BTNL8: variants seen among roughly 807,000 people sequenced by gnomAD.
BTNL8 encodes butyrophilin-like protein 8.
A neutral mutation model predicts 36.1 loss-of-function variants in BTNL8; 22 were observed. The ratio of observed to expected loss-of-function variants is 0.61; its 90% CI spans 0.44 to 0.87. The LOEUF is 0.87. BTNL8 is among the 40% of genes least tolerant of loss of function. BTNL8 has a pLI of 0.00. For missense variants in BTNL8, 526 were observed against 616.9 expected (o/e 0.85, Z 1.56); for synonymous variants, 203 against 235.6 (o/e 0.86, Z 1.27).
chr5:180,940,418 A>G (rs1314568794), intron 3 of BTNL8, among the ~76,000 whole-genome samples: 3 of 152,086 alleles, frequency 2.0e-5, no homozygotes, highest in Non-Finnish European at 4.4e-5. Context: ...AGGTAAGTTT[A>G]TAGCAATAAA....
In BTNL8 at chr5:180,902,398, T is replaced by C. The variant is rs538241474; in HGVS notation, c.49+3039T>C. On this transcript the variant is annotated intron_variant, in intron 1 of 7. Transcript: ENST00000340184. ...TGATGTGGACATGGTTTGTCAAATGTAAGGAGATACACAAATGCAAGTCAC... is the reference window on the plus strand; with the variant it reads ...TGATGTGGACATGGTTTGTCAAATGCAAGGAGATACACAAATGCAAGTCAC... The C allele has an allele frequency of 9.7e-5, 151 of 1,550,650 alleles. No homozygotes were observed. In the Middle Eastern group the frequency reaches 2.2e-3, roughly 22 times the overall value.
chr5:180,917,020 A>G (rs1040063604), intron 3 of BTNL8, among the ~76,000 whole-genome samples: 1 of 151,126 alleles, frequency 6.6e-6, no homozygotes, highest in Non-Finnish European at 1.5e-5. Flanking sequence ...AGACAAGGTT[A>G]GACTACGGCA....
In BTNL8 at chr5:180,899,415, C is replaced by G. The variant is rs908690669; in HGVS notation, c.49+56C>G. ...ACTAACAGTTTGAGTTCTTTAGCTACAATGGTTGCAGCATAATGGAATGAA... is the reference window on the plus strand; with the variant it reads ...ACTAACAGTTTGAGTTCTTTAGCTAGAATGGTTGCAGCATAATGGAATGAA... On this transcript the variant is annotated intron_variant, in intron 1 of 7. Coordinates refer to ENST00000340184, the MANE Select transcript of BTNL8 (RefSeq NM_001040462.3). 8 of 1,545,352 alleles carry G rather than the reference C, an allele frequency of 5.2e-6. No homozygotes were observed. In the African/African-American group the frequency reaches 1.1e-4, roughly 21 times the overall value.
At chr5:180,909,453 A>C in intron 2 of BTNL8, 5 of 760,480 alleles carry the variant, frequency 6.6e-6, no homozygotes, top group Non-Finnish European at 8.0e-6. Flanking sequence ...TTGTCCTACA[A>C]ATTTTTTGTT....
intron 3 of BTNL8, among the ~76,000 whole-genome samples, chr5:180,934,272 G>A (rs147062029): frequency 0.016 from 2,434 of 152,292 alleles, 75 homozygotes; most frequent in African/African-American, 0.055. Context: ...GAACATATTA[G>A]GTATACAGGG....
chr5:180,908,943 A>G lies in BTNL8; in HGVS notation c.397+10A>G. 3 of 1,602,070 alleles carry G rather than the reference A, an allele frequency of 1.9e-6. No homozygotes were observed. Among genetic ancestry groups the G allele is most frequent in the Non-Finnish European group, 2.6e-6 (3 of 1,171,786 alleles). On this transcript the variant is annotated intron_variant, in intron 2 of 7. Transcript: ENST00000340184. ...GAGCTACAGGTGTCAGGTCAGTTTC[A>G]TATTTCATAACTTAGTTGTCCCAAA...
At chr5:180,911,087 G>GT (rs1757369436) in intron 2 of BTNL8, among the ~76,000 whole-genome samples, 1 of 152,226 alleles carries the variant, frequency 6.6e-6, no homozygotes, top group Admixed American at 6.5e-5. Flanking sequence ...CTCCTGACAA[G>GT]TTTCTCATAG....
intron 3 of BTNL8, among the ~76,000 whole-genome samples, chr5:180,939,178 A>C (rs1021555290): frequency 2.0e-5 from 3 of 152,208 alleles, no homozygotes; most frequent in Non-Finnish European, 4.4e-5. Context: ...AATGACAGGA[A>C]TAAGTCCTCA....
intron 3 of BTNL8, among the ~76,000 whole-genome samples, chr5:180,927,722 C>T (rs958893534): frequency 2.6e-5 from 4 of 151,716 alleles, no homozygotes; most frequent in Admixed American, 6.6e-5. Flanking sequence ...AAGTGGAAGA[C>T]AATGATATCA....
Position 180,908,696 on chromosome 5 carries a change from C to T in BTNL8, c.160C>T (p.Arg54Trp), listed in dbSNP as rs776813203. The T allele has an allele frequency of 9.3e-6, 15 of 1,614,072 alleles. No homozygotes were observed. The highest frequency in any genetic ancestry group is 4.5e-5 in the East Asian group (2 of 44,902). Residue 54 changes from arginine (R) to tryptophan (W), a missense_variant, in exon 2 of 8, where the codon CGG becomes TGG. Physicochemically the swap from Arg to Trp is moderately radical, Grantham distance 101 (BLOSUM62 -3). Transcript: ENST00000340184. Reference protein sequence around the residue: ...PKTNAEAMEVRFFRGQFSSVV... With the variant: ...PKTNAEAMEVWFFRGQFSSVV... ...GACCAATGCAGAGGCCATGGAAGTG[C>T]GGTTCTTCAGGGGCCAGTTCTCTAG...
At chr5:180,920,761 T>C (rs2113805173) in intron 3 of BTNL8, among the ~76,000 whole-genome samples, 1 of 152,170 alleles carries the variant, frequency 6.6e-6, no homozygotes, top group South Asian at 2.1e-4. Context: ...TATTCCAATT[T>C]TTACAATGGG....
At chr5:180,931,517 C>A (rs1232504599) in intron 3 of BTNL8, among the ~76,000 whole-genome samples, 1 of 152,056 alleles carries the variant, frequency 6.6e-6, no homozygotes, top group Non-Finnish European at 1.5e-5. Context: ...TCAGAGTGAA[C>A]AGGCAACCTA....
Position 180,907,064 on chromosome 5 carries a change from T to G in BTNL8, c.50-1522T>G, listed in dbSNP as rs1757113318. ...CTCTGTATTTCCTGAATCTGAACGT[T>G]GTCCTGCCTTGCTAGATTGGGGAAG... On this transcript the variant is annotated intron_variant, in intron 1 of 7. Coordinates refer to ENST00000340184, the MANE Select transcript of BTNL8 (RefSeq NM_001040462.3). Among the ~76,000 whole-genome samples, 2 of 106,894 alleles carry G rather than the reference T, an allele frequency of 1.9e-5. 1 individual carries two copies. Among genetic ancestry groups the G allele is most frequent in the Non-Finnish European group, 3.6e-5 (2 of 55,446 alleles). 70.1% of individuals were successfully genotyped at this position (106,894 alleles called of 152,430 possible). A position where few individuals can be genotyped will look rare whatever the true frequency, so the allele number is the denominator to read the frequency against.
chr5:180,945,741 A>G, intron 3 of BTNL8: 2 of 483,200 alleles, frequency 4.1e-6, no homozygotes, highest in Non-Finnish European at 4.2e-6. Context: ...ACCTAGTTGC[A>G]CTCCTGAGAG....
chr5:180,932,230 T>C (rs1239856943), intron 3 of BTNL8, among the ~76,000 whole-genome samples: 1 of 152,170 alleles, frequency 6.6e-6, no homozygotes, highest in Non-Finnish European at 1.5e-5. Flanking sequence ...TAAGGAGGGA[T>C]AGCATTAGGA....
chr5:180,912,775 G>A (rs879878633), intron 3 of BTNL8, among the ~76,000 whole-genome samples: 3 of 152,108 alleles, frequency 2.0e-5, no homozygotes, highest in Non-Finnish European at 2.9e-5. Flanking sequence ...CACCATTTGC[G>A]ACCCATAATT....
intron 3 of BTNL8, among the ~76,000 whole-genome samples, chr5:180,938,895 T>C (rs1400182042): frequency 6.6e-6 from 1 of 152,096 alleles, no homozygotes; most frequent in Non-Finnish European, 1.5e-5. Context: ...AAAAAGATAT[T>C]TTTTAGATAA....
chr5:180,948,078 C>T (rs1212584452), intron 4 of BTNL8: 4 of 647,982 alleles, frequency 6.2e-6, no homozygotes, highest in Non-Finnish European at 1.0e-5. Context: ...GAGGCCACCC[C>T]CGCCTCCCCT....
chr5:180,945,225 C>T (rs530649000), intron 3 of BTNL8, among the ~76,000 whole-genome samples: 1 of 152,290 alleles, frequency 6.6e-6, no homozygotes, highest in East Asian at 1.9e-4. Context: ...AAAGGACAGT[C>T]TCTTCAATAA....
Sources: allele counts gnomAD v4.1 joint callset (sites outside exome capture counted in the v4.1 genomes callset), GRCh38; gene constraint gnomAD v4.1.1; transcripts MANE v1.5; gene names NCBI Gene and HGNC (gene_info 2026-07-23, HGNC 2026-07-21).